Variants in GNL2 observed in about 807,000 individuals in gnomAD.
GNL2 encodes nucleolar GTP-binding protein 2.
GNL2 carries 51 observed loss-of-function variants against 92.3 expected under a neutral mutation model. The observed-to-expected ratio is 0.55, with a 90% CI of 0.44 to 0.70. The LOEUF (loss-of-function observed/expected upper bound fraction) is 0.70. Among genes scored for constraint, GNL2 ranks in the 30% least tolerant of loss-of-function variants. The pLI, the probability that GNL2 is intolerant of heterozygous loss-of-function variation, is 0.00. For missense variants in GNL2, 844 were observed against 895.6 expected (o/e 0.94, Z 0.74); for synonymous variants, 283 against 300.6 (o/e 0.94, Z 0.61).
At position 37,576,515 on chromosome 1, in the gene GNL2, G is replaced by T; in HGVS notation, c.951C>A (p.Gly317=). Residue 317 remains glycine (G), a synonymous_variant, in exon 9 of 16, where the codon GGC becomes GGA. Transcript: ENST00000373062. The part of the protein sequence containing the change: ...DKKQISVGFI[G]YPNVGKSSVI... Reference sequence around the variant, plus strand: ...CAGAGCTCTTGCCAACATTTGGATAGCCAATGAACCCAACACTGATCTGTT... The same window carrying T: ...CAGAGCTCTTGCCAACATTTGGATATCCAATGAACCCAACACTGATCTGTT... 3.1e-6 allele frequency: 5 copies of T among 1,614,000 alleles called. No homozygotes were observed. Among genetic ancestry groups the T allele is most frequent in the Non-Finnish European group, 4.2e-6 (5 of 1,179,864 alleles).
intron 8 of GNL2, chr1:37,581,263 G>T (rs1328733825): frequency 2.3e-6 from 1 of 435,008 alleles, no homozygotes; most frequent in East Asian, 7.1e-5. Context: ...AAGTGGGGAA[G>T]GGTGGGACAG....
At chr1:37,582,166 T>G in intron 8 of GNL2, 57 bp downstream of exon 8, 1 of 1,187,948 alleles carries the variant, frequency 8.4e-7, no homozygotes. Context: ...GCAAGACAGA[T>G]TCTTATACCA....
At position 37,575,623 on chromosome 1, in the gene GNL2, G is replaced by A. The variant is rs754022190; in HGVS notation, c.1115C>T (p.Ser372Phe). 3 of 1,592,740 alleles carry A rather than the reference G, an allele frequency of 1.9e-6. No homozygotes were observed. The highest frequency in any genetic ancestry group is 2.7e-5 in the African/African-American group (2 of 73,336). ...CPGVVYPSEDSETDIVLKGVV... is the reference protein window; with the variant it reads ...CPGVVYPSEDFETDIVLKGVV... ...TCCTTTTAGCACAATGTCTGTCTCG[G>A]AGTCCTCAGAGGGGTAAACCACACC... The change falls in exon 10 of 16, where the codon TCC (serine) becomes TTC (phenylalanine). Residue 372 changes from serine (S) to phenylalanine (F), a missense_variant. By Grantham distance (155) the Ser-to-Phe change is radical. Coordinates refer to ENST00000373062, the MANE Select transcript of GNL2 (RefSeq NM_013285.3). The surrounding 1 kb of genome is among the most constrained non-coding windows in gnomAD (Gnocchi z 4.1).
intron 8 of GNL2, chr1:37,581,279 A>G (rs922021153): frequency 1.8e-5 from 8 of 448,034 alleles, no homozygotes; most frequent in Non-Finnish European, 3.2e-5. Context: ...GACAGCAGAC[A>G]TGTGTCTTTT....
intron 8 of GNL2, chr1:37,581,550 G>A (rs1241992742): frequency 2.2e-6 from 1 of 456,022 alleles, no homozygotes; most frequent in African/African-American, 2.0e-5. Flanking sequence ...CCAGGGCTGT[G>A]GCAGAAATGG....
chr1:37,590,154 TGGA>T (rs1245741502), intron 4 of GNL2, among the ~76,000 whole-genome samples: 1 of 152,230 alleles, frequency 6.6e-6, no homozygotes, highest in Non-Finnish European at 1.5e-5. Flanking sequence ...TTGCCCAGGC[TGGA>T]GTGCAATGGC....
chr1:37,592,323 A>G (rs375890609), intron 3 of GNL2, among the ~76,000 whole-genome samples: 10 of 152,328 alleles, frequency 6.6e-5, no homozygotes, highest in African/African-American at 2.4e-4. Context: ...CCCATTAAGA[A>G]GTATTTCAGA....
In GNL2 at chr1:37,568,278, T is replaced by C; in HGVS notation, c.1948A>G (p.Arg650Gly). 5 of 1,579,480 alleles carry C rather than the reference T, an allele frequency of 3.2e-6. No individual in the cohort carries two copies. Among genetic ancestry groups the C allele is most frequent in the Non-Finnish European group, 3.5e-6 (4 of 1,148,308 alleles). The change falls in exon 14 of 16, where the codon AGA (arginine) becomes GGA (glycine). Residue 650 changes from arginine to glycine, a missense_variant. Transcript: ENST00000373062. ...RKTLEEDVDD[R>G]APSKKGKKRK... ...GATTGAAATAATTTAACTTCACCTC[T>C]GTCATCTACATCTTCTTCCAGTGTT...
intron 12 of GNL2, 172 bp from the exon 13 acceptor site, chr1:37,569,474 G>C (rs1351348232): frequency 3.4e-6 from 2 of 594,956 alleles, no homozygotes; most frequent in African/African-American, 1.9e-5. Context: ...TGTACATTAA[G>C]CCCAGAGATC....
chr1:37,579,557 A>T (rs887033880), intron 8 of GNL2, among the ~76,000 whole-genome samples: 1 of 151,674 alleles, frequency 6.6e-6, no homozygotes, highest in Admixed American at 6.6e-5. Context: ...CACAAAAAAA[A>T]AAAAGTACCC....
rs1412490572 is a variant in GNL2 at position 37,582,327 on chromosome 1, C to A, written c.805G>T (p.Val269Phe). The A allele has an allele frequency of 6.2e-7, 1 of 1,605,312 alleles. No individual in the cohort carries two copies. The highest frequency in any genetic ancestry group is 8.5e-7 in the Non-Finnish European group (1 of 1,174,944). The change falls in exon 8 of 16, where the codon GTT becomes TTT. Residue 269 changes from valine to phenylalanine, a missense_variant. Coordinates refer to ENST00000373062, the MANE Select transcript of GNL2 (RefSeq NM_013285.3). ...GGATAATCCTGGGAGAGGACAGCAA[C>A]CCACCGTTTCTAGAAGGAGAGATGA... is the stretch of plus-strand genomic sequence containing the variant. Reference protein sequence around the residue: ...LVPTWATKRWVAVLSQDYPTL... With the variant: ...LVPTWATKRWFAVLSQDYPTL...
intron 8 of GNL2, 79 bp from the exon 9 acceptor site, chr1:37,576,635 A>C (rs1643683391): frequency 1.4e-6 from 2 of 1,391,464 alleles, no homozygotes; most frequent in South Asian, 2.6e-5. Flanking sequence ...TTACTTTGTT[A>C]ATATCAAGAA....
chr1:37,590,903 C>CCGTGTCAGTGGAAGA, intron 3 of GNL2, 58 bp from the exon 4 acceptor site: 1 of 1,390,118 alleles, frequency 7.2e-7, no homozygotes, highest in Non-Finnish European at 9.8e-7. Flanking sequence ...CCATCTTCCA[C>CCGTGTCAGTGGAAGA]TGACACGGTG....
In GNL2 at chr1:37,582,774, T is replaced by C. The variant is rs755876591; in HGVS notation, c.795+4A>G. ...GTCTATTCTGGTTTAGTAGTTGTAC[T>C]TACTGTTGCCCAGGTTGGAACAAGG... On this transcript the variant is annotated splice_donor_region_variant and intron_variant, in intron 7 of 15. Coordinates refer to ENST00000373062, the MANE Select transcript of GNL2 (RefSeq NM_013285.3). 6.2e-7 allele frequency: 1 copy of C among 1,609,124 alleles called. No individual in the cohort carries two copies. Among genetic ancestry groups the C allele is most frequent in the South Asian group, 1.1e-5 (1 of 90,786 alleles).
Position 37,575,158 on chromosome 1 carries a change from T to C in GNL2, c.1144-335A>G, listed in dbSNP as rs1643659098. On this transcript the variant is annotated intron_variant, in intron 10 of 15. Coordinates refer to ENST00000373062, the MANE Select transcript of GNL2 (RefSeq NM_013285.3). This position sits in a 1 kb window ranked among gnomAD's most constrained non-coding sequence, Gnocchi z 4.1. ...ATCCCAGGACACAAAAATAATGGAA[T>C]AGTTTAAGAAAGGAGAGGAGGAATG... is the stretch of plus-strand genomic sequence containing the variant. Among the ~76,000 whole-genome samples, 1 of 152,166 alleles carries C rather than the reference T, an allele frequency of 6.6e-6. No individual in the cohort carries two copies. The highest frequency in any genetic ancestry group is 6.5e-5 in the Admixed American group (1 of 15,274).
intron 4 of GNL2, 89 bp downstream of exon 4, chr1:37,590,617 A>C: frequency 9.2e-7 from 1 of 1,086,122 alleles, no homozygotes; most frequent in Non-Finnish European, 1.4e-6. Context: ...ACTATTTTCT[A>C]AGGAAAAACA....
intron 2 of GNL2, chr1:37,593,471 G>A: frequency 3.1e-6 from 1 of 323,720 alleles, no homozygotes; most frequent in Non-Finnish European, 5.6e-6. Context: ...GTTATATCTG[G>A]CCATATTTAA....
In GNL2 at chr1:37,576,568, G is replaced by A. The variant is rs775493630; in HGVS notation, c.910-12C>T. ...TTGTCAGTGTGCAACTGTTCAAAGA[G>A]AGAATACACAGCACATACATGCAGT... is the stretch of plus-strand genomic sequence containing the variant. On this transcript the variant is annotated splice_polypyrimidine_tract_variant and intron_variant, in intron 8 of 15. Coordinates refer to ENST00000373062, the MANE Select transcript of GNL2 (RefSeq NM_013285.3). The A allele has an allele frequency of 5.6e-6, 9 of 1,612,592 alleles. No individual in the cohort carries two copies. Among genetic ancestry groups the A allele is most frequent in the Admixed American group, 1.7e-5 (1 of 59,674 alleles).
intron 10 of GNL2, 63 bp from the exon 11 acceptor site, chr1:37,574,886 T>G (rs1186754389): frequency 1.7e-6 from 2 of 1,195,098 alleles, no homozygotes; most frequent in Non-Finnish European, 2.5e-6. Flanking sequence ...AAGTTCCCAG[T>G]GTCCTTTGCA....
Sources: gnomAD v4.1 joint callset for allele counts (sites outside exome capture counted in the v4.1 genomes callset) on GRCh38, gnomAD v4.1.1 for gene constraint, Gnocchi (gnomAD v3.1) non-coding constraint, MANE v1.5 for transcripts, NCBI Gene and HGNC (gene_info 2026-07-23, HGNC 2026-07-21) for gene names.